PRKCE: variants seen among roughly 807,000 people sequenced by gnomAD.
PRKCE encodes the protein protein kinase C epsilon type.
Under a neutral mutation model 85.4 loss-of-function variants are expected in PRKCE, and 16 were observed. The observed-to-expected ratio is 0.19, with a 90% CI of 0.13 to 0.28. PRKCE has a LOEUF of 0.28. PRKCE is among the 10% of genes least tolerant of loss of function. The probability of loss-of-function intolerance (pLI) is 1.00; values close to 1 mark genes in which losing one functional copy is unlikely to be tolerated. For missense variants in PRKCE, 573 were observed against 975.2 expected (o/e 0.59, Z 5.49); for synonymous variants, 388 against 371.5 (o/e 1.04, Z -0.51).
Position 45,835,812 on chromosome 2 carries a change from C to CT in PRKCE, c.349-7186dup, listed in dbSNP as rs1445407197. 2.6e-5 allele frequency among the ~76,000 whole-genome samples: 4 copies of CT among 152,136 alleles called. No individual in the cohort carries two copies. The East Asian group carries it at 7.7e-4, about 29-fold the overall frequency. On this transcript the variant is annotated intron_variant, in intron 1 of 14. Transcript: ENST00000306156. Reference sequence around the variant, plus strand: ...GTCTCAGTATGTTGTACAGGCTGGTCTTGAACTCCTGGCTTGAAGCGATCC... The same window carrying CT: ...GTCTCAGTATGTTGTACAGGCTGGTCTTTGAACTCCTGGCTTGAAGCGATCC...
At chr2:45,819,631 A>G (rs1406083502) in intron 1 of PRKCE, among the ~76,000 whole-genome samples, 1 of 152,114 alleles carries the variant, frequency 6.6e-6, no homozygotes, top group Non-Finnish European at 1.5e-5. Flanking sequence ...AAGCACACAC[A>G]TACTACAGAT....
chr2:45,667,399 C>T (rs565602833), intron 1 of PRKCE, among the ~76,000 whole-genome samples: 4 of 152,264 alleles, frequency 2.6e-5, no homozygotes, highest in African/African-American at 7.2e-5. Flanking sequence ...CCTCTCACTT[C>T]GGCCTCCCAA....
At chr2:46,107,895 T>A (rs888993220) in intron 11 of PRKCE, among the ~76,000 whole-genome samples, 3 of 152,222 alleles carry the variant, frequency 2.0e-5, no homozygotes, top group Admixed American at 2.0e-4. Flanking sequence ...GCCCATTTTT[T>A]AATTGAGTTG....
rs55745430 is a variant in PRKCE, at chr2:45,815,067, G to T, written c.349-27933G>T. Among the ~76,000 whole-genome samples, 151 of 152,216 alleles carry T rather than the reference G, an allele frequency of 9.9e-4. 1 individual carries two copies. The highest frequency in any genetic ancestry group is 3.4e-3 in the Middle Eastern group (1 of 294). On this transcript the variant is annotated intron_variant, in intron 1 of 14. Transcript: ENST00000306156. ...GTCTCTGTTCCCACCCTGTGTGATA[G>T]AATTAAGCATCCTCCCCATGGGAGA...
chr2:45,700,260 T>C (rs1215023745), intron 1 of PRKCE, among the ~76,000 whole-genome samples: 4 of 151,690 alleles, frequency 2.6e-5, no homozygotes, highest in African/African-American at 9.7e-5. Flanking sequence ...CGAAGTCTGA[T>C]GGCAAAGAGA....
chr2:46,134,814 A>G (rs1295247007), intron 11 of PRKCE, among the ~76,000 whole-genome samples: 2 of 152,266 alleles, frequency 1.3e-5, no homozygotes, highest in Non-Finnish European at 2.9e-5. Context: ...AACTAGGTGT[A>G]AGTGTCACGA....
chr2:45,897,242 A>G (rs549338110), intron 2 of PRKCE, among the ~76,000 whole-genome samples: 22 of 152,296 alleles, frequency 1.4e-4, no homozygotes, highest in South Asian at 4.1e-4. Flanking sequence ...CAGTCCATCT[A>G]TCGGCCCGTC....
At chr2:45,682,011 A>T (rs2103947530) in intron 1 of PRKCE, among the ~76,000 whole-genome samples, 1 of 152,298 alleles carries the variant, frequency 6.6e-6, no homozygotes, top group Admixed American at 6.5e-5. Context: ...AGTGCTCTTT[A>T]TGGGCAGTAA....
chr2:46,162,459 C>T (rs1368807412), intron 14 of PRKCE, among the ~76,000 whole-genome samples: 2 of 152,108 alleles, frequency 1.3e-5, no homozygotes, highest in Non-Finnish European at 2.9e-5. Context: ...TTCATCGTTG[C>T]CTTGAAGTGA....
At chr2:45,744,131 T>C (rs1161060165) in intron 1 of PRKCE, among the ~76,000 whole-genome samples, 1 of 152,192 alleles carries the variant, frequency 6.6e-6, no homozygotes, top group Admixed American at 6.5e-5. Context: ...CTGAGCTTAG[T>C]GTCCTTGTCA....
At chr2:46,100,888 T>G (rs1397536039) in intron 11 of PRKCE, among the ~76,000 whole-genome samples, 1 of 152,082 alleles carries the variant, frequency 6.6e-6, no homozygotes, top group Non-Finnish European at 1.5e-5. Context: ...TCTCTTTTCT[T>G]GATGGGATCT....
intron 6 of PRKCE, among the ~76,000 whole-genome samples, chr2:45,987,154 G>A (rs1350362922): frequency 6.6e-6 from 1 of 152,134 alleles, no homozygotes; most frequent in Non-Finnish European, 1.5e-5. Flanking sequence ...TGTGAGGGCT[G>A]TGGGTCCCCA....
intron 7 of PRKCE, among the ~76,000 whole-genome samples, chr2:46,002,208 C>T (rs1704746132): frequency 1.3e-5 from 2 of 152,208 alleles, no homozygotes; most frequent in Non-Finnish European, 2.9e-5. Context: ...TTTGTAGGCT[C>T]TTCTTTAGCC....
rs1242262922 is a variant in PRKCE, at chr2:46,041,439, A to G, written c.1437+30922A>G. 6.6e-6 allele frequency among the ~76,000 whole-genome samples: 1 copy of G among 152,242 alleles called. No homozygotes were observed. On this transcript the variant is annotated intron_variant, in intron 10 of 14. Transcript: ENST00000306156. This position sits in a 1 kb window ranked among gnomAD's most constrained non-coding sequence, Gnocchi z 5.5. ...TTTCAAGAGAGAAAAACACACTTGCATATGTTTCCCTGCCCTAACTCAGTT... is the reference window on the plus strand; with the variant it reads ...TTTCAAGAGAGAAAAACACACTTGCGTATGTTTCCCTGCCCTAACTCAGTT...
intron 6 of PRKCE, among the ~76,000 whole-genome samples, chr2:45,986,716 A>G (rs1444140867): frequency 6.6e-6 from 1 of 152,186 alleles, no homozygotes; most frequent in Non-Finnish European, 1.5e-5. Context: ...GGGACAGAAC[A>G]CAATCCAGCC....
chr2:45,665,355 T>A (rs1053073549), intron 1 of PRKCE, among the ~76,000 whole-genome samples: 2 of 152,176 alleles, frequency 1.3e-5, no homozygotes, highest in African/African-American at 2.4e-5. Context: ...TCACTTAACC[T>A]CCTCAAACTT....
At chr2:45,899,526 T>G in intron 2 of PRKCE, among the ~76,000 whole-genome samples, 1 of 152,104 alleles carries the variant, frequency 6.6e-6, no homozygotes, top group Middle Eastern at 3.4e-3. Flanking sequence ...GGACCACAGG[T>G]GAGCCCCACC....
At chr2:45,887,255 A>G (rs975410548) in intron 2 of PRKCE, among the ~76,000 whole-genome samples, 2 of 152,210 alleles carry the variant, frequency 1.3e-5, no homozygotes, top group African/African-American at 4.8e-5. Flanking sequence ...TCAACCGTGC[A>G]GAAGGCTTCC....
chr2:45,900,179 T>C (rs1463163), intron 2 of PRKCE, among the ~76,000 whole-genome samples: 106,612 of 152,140 alleles, frequency 0.7, 37,938 homozygotes, highest in East Asian at 0.98. Flanking sequence ...GCACATGTAA[T>C]GTGGTGCAGC....
Sources: allele counts gnomAD v4.1 joint callset (sites outside exome capture counted in the v4.1 genomes callset), GRCh38; gene constraint gnomAD v4.1.1; non-coding constraint Gnocchi (gnomAD v3.1); transcripts MANE v1.5; gene names NCBI Gene and HGNC (gene_info 2026-07-23, HGNC 2026-07-21).